Variants in ST6GALNAC5 observed in about 807,000 individuals in gnomAD.
ST6GALNAC5 encodes the protein ST6 N-acetylgalactosaminide alpha-2,6-sialyltransferase 5, also known as alpha-N-acetylgalactosaminide alpha-2,6-sialyltransferase 5.
ST6GALNAC5 carries 27 observed loss-of-function variants against 33.6 expected under a neutral mutation model. The observed-to-expected ratio is 0.80, with a 90% CI of 0.59 to 1.11. The LOEUF (loss-of-function observed/expected upper bound fraction) is 1.11. Among genes scored for constraint, ST6GALNAC5 ranks in the 50% least tolerant of loss-of-function variants. The pLI is 0.00. For synonymous variants in ST6GALNAC5, 194 were observed against 171.2 expected (o/e 1.13, Z -1.04); for missense variants, 428 against 454.0 (o/e 0.94, Z 0.52).
intron 2 of ST6GALNAC5, among the ~76,000 whole-genome samples, chr1:76,967,725 A>G (rs1157069036): frequency 1.3e-5 from 2 of 152,200 alleles, no homozygotes; most frequent in Non-Finnish European, 2.9e-5. Context: ...AGTTAGTGCT[A>G]TAAATTTCCC....
At chr1:76,932,686 A>T (rs770430298) in intron 2 of ST6GALNAC5, among the ~76,000 whole-genome samples, 4 of 152,084 alleles carry the variant, frequency 2.6e-5, no homozygotes, top group Non-Finnish European at 5.9e-5. Context: ...GAACTGGGGA[A>T]ATACCCTGCA....
chr1:76,905,984 C>T (rs1260759151), intron 2 of ST6GALNAC5, among the ~76,000 whole-genome samples: 2 of 152,146 alleles, frequency 1.3e-5, no homozygotes, highest in Non-Finnish European at 2.9e-5. Flanking sequence ...GCTCCAGAAA[C>T]ATGCAGAACA....
intron 2 of ST6GALNAC5, among the ~76,000 whole-genome samples, chr1:76,917,475 A>T (rs1646987357): frequency 6.6e-6 from 1 of 152,044 alleles, no homozygotes; most frequent in African/African-American, 2.4e-5. Context: ...TTTTTGGAAA[A>T]TTGAACTCCC....
chr1:76,912,909 T>G (rs868211052), intron 2 of ST6GALNAC5, among the ~76,000 whole-genome samples: 1 of 151,208 alleles, frequency 6.6e-6, no homozygotes, highest in African/African-American at 2.4e-5. Flanking sequence ...GAGCATTTAG[T>G]CCATTTACAT....
chr1:76,916,326 A>G (rs1213409561), intron 2 of ST6GALNAC5, among the ~76,000 whole-genome samples: 1 of 152,130 alleles, frequency 6.6e-6, no homozygotes, highest in Non-Finnish European at 1.5e-5. Flanking sequence ...GAAAACAACC[A>G]TGCATTTACA....
At chr1:76,936,533 A>C (rs1476531556) in intron 2 of ST6GALNAC5, among the ~76,000 whole-genome samples, 1 of 152,012 alleles carries the variant, frequency 6.6e-6, no homozygotes, top group Non-Finnish European at 1.5e-5. Flanking sequence ...CTTGGAGAAA[A>C]GATCATGGGC....
chr1:77,060,600 T>A (rs1652543598), intron 4 of ST6GALNAC5, among the ~76,000 whole-genome samples: 1 of 152,142 alleles, frequency 6.6e-6, no homozygotes, highest in African/African-American at 2.4e-5. Flanking sequence ...ACAACTCGCT[T>A]ACATGAATAA....
intron 2 of ST6GALNAC5, among the ~76,000 whole-genome samples, chr1:76,965,706 G>C (rs1003467317): frequency 1.3e-5 from 2 of 152,148 alleles, no homozygotes; most frequent in African/African-American, 2.4e-5. Context: ...GAAAGGTATT[G>C]CCTAGGTTTT....
At chr1:76,905,369 C>T (rs57259017) in intron 2 of ST6GALNAC5, among the ~76,000 whole-genome samples, 2 of 152,078 alleles carry the variant, frequency 1.3e-5, no homozygotes, top group East Asian at 3.9e-4. Context: ...TTCTTCTTAA[C>T]GTCAGGTTAA....
In ST6GALNAC5 at chr1:76,870,699, T is replaced by C. The variant is rs576240023; in HGVS notation, c.261+1957T>C. Among the ~76,000 whole-genome samples, 9 of 152,308 alleles carry C rather than the reference T, an allele frequency of 5.9e-5. No individual in the cohort carries two copies. The East Asian group carries it at 1.3e-3, about 23-fold the overall frequency. ...ATATGTAGTAAAAGGGTTTTACAAA[T>C]TGTGAAGTGCTATATGAATGATAAA... On this transcript the variant is annotated intron_variant, in intron 2 of 4. Coordinates refer to ENST00000477717, the MANE Select transcript of ST6GALNAC5 (RefSeq NM_030965.3).
intron 2 of ST6GALNAC5, among the ~76,000 whole-genome samples, chr1:76,870,371 T>C (rs1468499689): frequency 6.6e-6 from 1 of 152,220 alleles, no homozygotes; most frequent in Non-Finnish European, 1.5e-5. Flanking sequence ...CTAACACTTG[T>C]GAAGCTTTGA....
intron 2 of ST6GALNAC5, among the ~76,000 whole-genome samples, chr1:76,970,949 TA>T (rs758218171): frequency 2.2e-4 from 33 of 152,204 alleles, no homozygotes; most frequent in Admixed American, 5.2e-4. Context: ...AATAAGAAAA[TA>T]TTTTTTTTTC....
intron 2 of ST6GALNAC5, among the ~76,000 whole-genome samples, chr1:77,004,684 T>C (rs1348270379): frequency 2.6e-5 from 3 of 117,552 alleles, no homozygotes; most frequent in South Asian, 3.0e-4. Flanking sequence ...GGATGTCCTT[T>C]CTGTTTGTTA....
chr1:77,041,350 A>G (rs1441284744), intron 2 of ST6GALNAC5, among the ~76,000 whole-genome samples: 3 of 152,158 alleles, frequency 2.0e-5, no homozygotes, highest in Non-Finnish European at 4.4e-5. Context: ...CTCAATGTGG[A>G]CTGTATGCTC....
intron 3 of ST6GALNAC5, among the ~76,000 whole-genome samples, chr1:77,048,108 C>T (rs1037256725): frequency 6.6e-6 from 1 of 152,170 alleles, no homozygotes; most frequent in Non-Finnish European, 1.5e-5. Flanking sequence ...CGTCCTCTAC[C>T]TTGCATTCTT....
At chr1:76,925,663 GATA>G (rs1349607900) in intron 2 of ST6GALNAC5, among the ~76,000 whole-genome samples, 5 of 152,014 alleles carry the variant, frequency 3.3e-5, no homozygotes, top group Non-Finnish European at 7.4e-5. Flanking sequence ...CATAATGGAT[GATA>G]ATGTTTTAAA....
chr1:76,994,160 G>T (rs1389142108), intron 2 of ST6GALNAC5, among the ~76,000 whole-genome samples: 2 of 152,266 alleles, frequency 1.3e-5, no homozygotes, highest in Non-Finnish European at 2.9e-5. Flanking sequence ...ATGTTATAAA[G>T]CCAGTGATTT....
intron 2 of ST6GALNAC5, among the ~76,000 whole-genome samples, chr1:77,031,455 T>C (rs1651454035): frequency 6.6e-6 from 1 of 152,204 alleles, no homozygotes; most frequent in African/African-American, 2.4e-5. Flanking sequence ...TGCCACAATC[T>C]GGTTATTTGC....
intron 4 of ST6GALNAC5, among the ~76,000 whole-genome samples, chr1:77,055,318 A>G (rs953671658): frequency 1.3e-5 from 2 of 152,182 alleles, no homozygotes; most frequent in African/African-American, 4.8e-5. Context: ...ACCTGTTCCT[A>G]TGACCTCAGT....
Sources: gnomAD v4.1 joint callset for allele counts (sites outside exome capture counted in the v4.1 genomes callset) on GRCh38, gnomAD v4.1.1 for gene constraint, MANE v1.5 for transcripts, NCBI Gene and HGNC (gene_info 2026-07-23, HGNC 2026-07-21) for gene names.